The following QTMAN variants were observed in gnomAD, a reference collection of about 807,000 sequenced individuals.
QTMAN encodes tRNA-queuosine alpha-mannosyltransferase.
chr2:144,075,342 A>G, the QTMAN span, among the ~76,000 whole-genome samples: 40 of 152,368 alleles, frequency 2.6e-4, 1 homozygote, highest in Non-Finnish European at 4.3e-4. Context: ...TTCTGATTAC[A>G]TGACAAGATA....
the QTMAN span, among the ~76,000 whole-genome samples, chr2:144,152,774 T>A: frequency 6.6e-6 from 1 of 152,164 alleles, no homozygotes; most frequent in Non-Finnish European, 1.5e-5. Flanking sequence ...TTAAGAAGTA[T>A]AAGATATCAC....
At chr2:144,184,055 G>A in the QTMAN span, among the ~76,000 whole-genome samples, 1 of 152,214 alleles carries the variant, frequency 6.6e-6, no homozygotes, top group Non-Finnish European at 1.5e-5. Flanking sequence ...GACCAGATGA[G>A]CAAAAGCTGG....
At chr2:143,954,873 G>A in the QTMAN span, among the ~76,000 whole-genome samples, 1 of 152,158 alleles carries the variant, frequency 6.6e-6, no homozygotes, top group Admixed American at 6.5e-5. Flanking sequence ...AAAAAGACTA[G>A]TAAATGACCT....
At chr2:144,328,515 G>A in the QTMAN span, among the ~76,000 whole-genome samples, 1 of 152,198 alleles carries the variant, frequency 6.6e-6, no homozygotes, top group South Asian at 2.1e-4. Flanking sequence ...AAAGGATATA[G>A]TGAGACAGCA....
the QTMAN span, among the ~76,000 whole-genome samples, chr2:143,984,777 G>T: frequency 1.3e-5 from 2 of 152,184 alleles, no homozygotes; most frequent in African/African-American, 2.4e-5. Flanking sequence ...TGGTCAGAGA[G>T]GAGTTTGGCT....
the QTMAN span, among the ~76,000 whole-genome samples, chr2:144,065,043 T>C: frequency 6.6e-6 from 1 of 152,166 alleles, no homozygotes; most frequent in Non-Finnish European, 1.5e-5. Flanking sequence ...GCCGAACATA[T>C]CAGAATGTGG....
the QTMAN span, among the ~76,000 whole-genome samples, chr2:144,135,088 T>C: frequency 6.6e-6 from 1 of 152,206 alleles, no homozygotes; most frequent in Non-Finnish European, 1.5e-5. Context: ...CCTCATGGAA[T>C]TCCTTGGGAG....
the QTMAN span, among the ~76,000 whole-genome samples, chr2:143,965,537 C>T: frequency 6.6e-6 from 1 of 152,158 alleles, no homozygotes; most frequent in Non-Finnish European, 1.5e-5. Context: ...CAGTCCCAAG[C>T]CTGGTTTGCT....
At chr2:144,202,186 C>T in the QTMAN span, among the ~76,000 whole-genome samples, 3 of 151,842 alleles carry the variant, frequency 2.0e-5, no homozygotes, top group African/African-American at 7.3e-5. Context: ...CAAATGTGAC[C>T]CCAAGAAAAC....
chr2:144,036,137 G>A, the QTMAN span, among the ~76,000 whole-genome samples: 1 of 152,164 alleles, frequency 6.6e-6, no homozygotes, highest in Non-Finnish European at 1.5e-5. Context: ...GACTTTATGA[G>A]AAAAATAGTT....
chr2:144,133,156 A>ATAAATAT, the QTMAN span, among the ~76,000 whole-genome samples: 1 of 49,138 alleles, frequency 2.0e-5, no homozygotes, highest in African/African-American at 8.5e-5. Context: ...TATATAATAT[A>ATAAATAT]ATATAATATA....
chr2:144,091,967 T>C, the QTMAN span, among the ~76,000 whole-genome samples: 6 of 152,106 alleles, frequency 3.9e-5, no homozygotes, highest in Admixed American at 1.3e-4. Context: ...GATGAAGTTA[T>C]ATATAAAAAA....
At chr2:144,039,777 C>T in the QTMAN span, among the ~76,000 whole-genome samples, 1 of 152,140 alleles carries the variant, frequency 6.6e-6, no homozygotes, top group African/African-American at 2.4e-5. Context: ...AAAGCTGTAC[C>T]ATCCATCTCC....
At chr2:144,322,154 C>A in the QTMAN span, among the ~76,000 whole-genome samples, 9 of 152,262 alleles carry the variant, frequency 5.9e-5, no homozygotes, top group South Asian at 2.1e-4. Context: ...CAAAGGAATA[C>A]CCAAATGATT....
the QTMAN span, among the ~76,000 whole-genome samples, chr2:144,176,066 CACA>C: frequency 1.3e-5 from 2 of 152,056 alleles, no homozygotes; most frequent in African/African-American, 2.4e-5. Context: ...AAGACCAATA[CACA>C]ACAAGATAAT....
At chr2:144,287,438 C>CA in the QTMAN span, among the ~76,000 whole-genome samples, 9,388 of 70,120 alleles carry the variant, frequency 0.13, 383 homozygotes, top group South Asian at 0.26. Context: ...GACTCTGTCT[C>CA]AAAAAAAAAA....
the QTMAN span, among the ~76,000 whole-genome samples, chr2:144,282,404 A>G: frequency 6.7e-6 from 1 of 148,920 alleles, no homozygotes; most frequent in Non-Finnish European, 1.5e-5. Flanking sequence ...ATATATATGT[A>G]ATATATTGGT....
the QTMAN span, among the ~76,000 whole-genome samples, chr2:144,252,330 A>G: frequency 8.2e-4 from 125 of 152,282 alleles, no homozygotes; most frequent in African/African-American, 2.9e-3. Context: ...AGCTAGAATC[A>G]TGACACTGCA....
At chr2:144,174,945 C>A in the QTMAN span, among the ~76,000 whole-genome samples, 1 of 152,058 alleles carries the variant, frequency 6.6e-6, no homozygotes, top group Admixed American at 6.6e-5. Flanking sequence ...GTGAGGGAAT[C>A]AGGATAATAA....
Sources: allele counts gnomAD v4.1 joint callset (sites outside exome capture counted in the v4.1 genomes callset), GRCh38; gene constraint gnomAD v4.1.1; transcripts MANE v1.5; gene names NCBI Gene and HGNC (gene_info 2026-07-23, HGNC 2026-07-21).